The following PCNX2 variants were observed in gnomAD, a reference collection of about 807,000 sequenced individuals.
The protein encoded by PCNX2 is pecanex 2.
A neutral mutation model predicts 223.8 loss-of-function variants in PCNX2; 168 were observed. The ratio of observed to expected loss-of-function variants is 0.75; its 90% confidence interval spans 0.66 to 0.85. PCNX2 has a LOEUF of 0.85. Among genes scored for constraint, PCNX2 ranks in the 40% least tolerant of loss-of-function variants. The pLI, the probability that PCNX2 is intolerant of heterozygous loss-of-function variation, is 0.00. For synonymous variants in PCNX2, 1,006 were observed against 1,052.6 expected (o/e 0.96, Z 0.86); for missense variants, 2,507 against 2,675.5 (o/e 0.94, Z 1.39).
At chr1:233,233,847 G>C (rs930636735) in intron 9 of PCNX2, among the ~76,000 whole-genome samples, 2 of 151,948 alleles carry the variant, frequency 1.3e-5, no homozygotes, top group Non-Finnish European at 2.9e-5. Context: ...GTAACACTGA[G>C]CACACCTGCT....
Position 233,250,506 on chromosome 1 carries a change from AC to A in PCNX2, c.2222+232del, listed in dbSNP as rs573567213. On this transcript the variant is annotated intron_variant, in intron 8 of 33. Coordinates refer to ENST00000258229, the MANE Select transcript of PCNX2 (RefSeq NM_014801.4). ...TTATACAGAGTTCCTGTCTATTTATACTACCTACATGTTATCTTCATTTTTG... is the reference window on the plus strand; with the variant it reads ...TTATACAGAGTTCCTGTCTATTTATATACCTACATGTTATCTTCATTTTTG... 676 of 932,750 alleles carry A rather than the reference AC, an allele frequency of 7.2e-4. No individual in the cohort carries two copies. In the African/African-American group the frequency reaches 0.011, roughly 15 times the overall value. The allele number at this position is 932,750 out of a possible 1,614,324, so 57.8% of individuals were successfully genotyped here.
At chr1:233,136,624 C>T (rs1676816317) in intron 20 of PCNX2, among the ~76,000 whole-genome samples, 1 of 152,098 alleles carries the variant, frequency 6.6e-6, no homozygotes, top group Admixed American at 6.5e-5. Context: ...AACCTAGAGC[C>T]CCCTGTGTTC....
intron 23 of PCNX2, among the ~76,000 whole-genome samples, chr1:233,060,532 G>A (rs1017755310): frequency 3.3e-5 from 5 of 152,144 alleles, no homozygotes; most frequent in African/African-American, 7.2e-5. Flanking sequence ...TCTCTAAGAG[G>A]GTGGACTGTC....
At chr1:233,269,379 ATGTAACAAGACC>A (rs1015931813) in intron 1 of PCNX2, among the ~76,000 whole-genome samples, 34 of 152,352 alleles carry the variant, frequency 2.2e-4, no homozygotes, top group African/African-American at 8.2e-4. Context: ...AGGCACAATA[ATGTAACAAGACC>A]TAATAAATGA....
At chr1:233,060,424 A>G (rs1303573116) in intron 23 of PCNX2, among the ~76,000 whole-genome samples, 1 of 152,226 alleles carries the variant, frequency 6.6e-6, no homozygotes, top group African/African-American at 2.4e-5. Flanking sequence ...CTGGAAAGCT[A>G]TCTTTTCAGA....
At chr1:233,005,606 C>T (rs373618190) in intron 28 of PCNX2, among the ~76,000 whole-genome samples, 1 of 152,102 alleles carries the variant, frequency 6.6e-6, no homozygotes, top group African/African-American at 2.4e-5. Flanking sequence ...GGAAATTATC[C>T]ACAGCACCTT....
At chr1:233,198,823 C>A (rs1322592031) in intron 15 of PCNX2, 116 bp downstream of exon 15, 21 of 1,049,930 alleles carry the variant, frequency 2.0e-5, no homozygotes, top group Non-Finnish European at 3.0e-5. Context: ...CAGTCACTCC[C>A]TGATTTGCAC....
intron 5 of PCNX2, among the ~76,000 whole-genome samples, chr1:233,255,920 C>T (rs151204281): frequency 6.6e-6 from 1 of 152,318 alleles, no homozygotes; most frequent in East Asian, 1.9e-4. Context: ...AGATACATGG[C>T]ATCACTGAAA....
At chr1:233,098,876 T>C (rs1674326252) in intron 21 of PCNX2, among the ~76,000 whole-genome samples, 1 of 152,210 alleles carries the variant, frequency 6.6e-6, no homozygotes, top group South Asian at 2.1e-4. Context: ...CATCTGAGGA[T>C]AAAATGGCTT....
chr1:233,168,846 A>G (rs1000554606), intron 17 of PCNX2, among the ~76,000 whole-genome samples: 3 of 152,150 alleles, frequency 2.0e-5, no homozygotes, highest in Non-Finnish European at 4.4e-5. Context: ...TCATCTTGAC[A>G]CAATTGGCAC....
chr1:233,201,454 G>T lies in PCNX2; in HGVS notation c.2864-1190C>A, dbSNP rs566536526. 2.1e-4 allele frequency: 32 copies of T among 152,188 alleles called. No homozygotes were observed. In the South Asian group the frequency reaches 6.2e-3, roughly 30 times the overall value. 9.4% of individuals were successfully genotyped at this position (152,188 alleles called of 1,614,324 possible). On this transcript the variant is annotated intron_variant, in intron 13 of 33. Transcript: ENST00000258229. Reference sequence around the variant, plus strand: ...CTATCAATAGAAAGGAGAGATACAAGAAATAAATAGAAATTTAATTACAGA... The same window carrying T: ...CTATCAATAGAAAGGAGAGATACAATAAATAAATAGAAATTTAATTACAGA...
chr1:233,264,739 G>A (rs938218573), intron 1 of PCNX2, among the ~76,000 whole-genome samples: 2 of 151,988 alleles, frequency 1.3e-5, no homozygotes, highest in Non-Finnish European at 2.9e-5. Flanking sequence ...TTTACAAAAG[G>A]TGCATTTGTA....
chr1:233,231,446 G>A (rs75419076), intron 9 of PCNX2, among the ~76,000 whole-genome samples: 2,583 of 152,162 alleles, frequency 0.017, 30 homozygotes, highest in South Asian at 0.049. Flanking sequence ...TAATAAAAAC[G>A]AAAACAGATA....
chr1:233,033,393 C>T (rs531889915), intron 25 of PCNX2, among the ~76,000 whole-genome samples: 6 of 152,178 alleles, frequency 3.9e-5, no homozygotes, highest in African/African-American at 9.7e-5. Flanking sequence ...ATACCCAGTA[C>T]ATTTACTAAA....
At chr1:233,270,814 C>T (rs942997429) in intron 1 of PCNX2, among the ~76,000 whole-genome samples, 6 of 151,828 alleles carry the variant, frequency 4.0e-5, no homozygotes, top group Non-Finnish European at 5.9e-5. Flanking sequence ...GTGTCTGGAC[C>T]GTTAGGATGG....
In PCNX2 at chr1:233,258,439, C is replaced by T. The variant is rs370098262; in HGVS notation, c.1423G>A (p.Gly475Arg). 3 of 1,613,916 alleles carry T rather than the reference C, an allele frequency of 1.9e-6. No individual in the cohort carries two copies. In the South Asian group the frequency reaches 3.3e-5, roughly 18 times the overall value. ...NQCSGYGSGE[G>R]GNAIKDHSSS... Reference sequence around the variant, plus strand: ...CTGTGATCCTTGATGGCATTTCCCCCCTCCCCAGATCCGTAGCCAGAACAC... The same window carrying T: ...CTGTGATCCTTGATGGCATTTCCCCTCTCCCCAGATCCGTAGCCAGAACAC... The change falls in exon 5 of 34, where the codon GGG becomes AGG. Residue 475 changes from glycine (G) to arginine (R), a missense_variant. Around this residue, in one of 3 missense-constraint regions of PCNX2, gnomAD observed 1,031 missense variants for 1,021.7 expected, o/e 1.01. Coordinates refer to ENST00000258229, the MANE Select transcript of PCNX2 (RefSeq NM_014801.4).
chr1:233,040,653 G>T (rs1252131162), intron 25 of PCNX2, among the ~76,000 whole-genome samples: 1 of 151,924 alleles, frequency 6.6e-6, no homozygotes, highest in African/African-American at 2.4e-5. Flanking sequence ...CACTCCTTCT[G>T]TAAAGATTGT....
intron 15 of PCNX2, among the ~76,000 whole-genome samples, chr1:233,179,910 G>C (rs1679695135): frequency 6.6e-6 from 1 of 152,228 alleles, no homozygotes; most frequent in Non-Finnish European, 1.5e-5. Context: ...GTTTAAGAAA[G>C]TGTTAAGCTA....
chr1:233,070,700 G>T (rs1197008580), intron 23 of PCNX2, among the ~76,000 whole-genome samples: 2 of 151,548 alleles, frequency 1.3e-5, no homozygotes, highest in Non-Finnish European at 1.5e-5. Flanking sequence ...CAGAAAAATA[G>T]AATTAGATGC....
Sources: allele counts gnomAD v4.1 joint callset (sites outside exome capture counted in the v4.1 genomes callset), GRCh38; gene constraint gnomAD v4.1.1; regional missense constraint gnomAD v4.1.1; transcripts MANE v1.5; gene names NCBI Gene and HGNC (gene_info 2026-07-23, HGNC 2026-07-21).